The following ARMH3 variants were observed in gnomAD, a reference collection of about 807,000 sequenced individuals.
ARMH3 encodes armadillo-like helical domain-containing protein 3.
ARMH3 carries 60 observed loss-of-function variants against 99.1 expected under a neutral mutation model. The observed-to-expected ratio is 0.61, with a 90% CI of 0.49 to 0.75. The LOEUF (loss-of-function observed/expected upper bound fraction) is 0.75, where lower values mean the gene tolerates loss of function less well. Among genes scored for constraint, ARMH3 ranks in the 30% least tolerant of loss-of-function variants. The probability of loss-of-function intolerance (pLI) is 0.00; values close to 1 mark genes in which losing one functional copy is unlikely to be tolerated. For missense variants in ARMH3, 679 were observed against 843.1 expected (o/e 0.81, Z 2.41); for synonymous variants, 285 against 292.8 (o/e 0.97, Z 0.27).
intron 25 of ARMH3, among the ~76,000 whole-genome samples, chr10:101,848,403 G>A (rs2066509147): frequency 6.6e-6 from 1 of 152,174 alleles, no homozygotes. Flanking sequence ...TCCCTACTCT[G>A]AGAGGGTTCC....
chr10:101,936,491 CAA>C (rs202009727), intron 23 of ARMH3, among the ~76,000 whole-genome samples: 16 of 56,036 alleles, frequency 2.9e-4, no homozygotes, highest in Admixed American at 4.2e-4. Flanking sequence ...GACTCTGTCT[CAA>C]AAAAAAAAAA....
chr10:102,052,898 C>T (rs1340107756), intron 1 of ARMH3, among the ~76,000 whole-genome samples: 1 of 152,072 alleles, frequency 6.6e-6, no homozygotes, highest in African/African-American at 2.4e-5. Context: ...GCATACCAAA[C>T]CATATCCCCT....
intron 1 of ARMH3, among the ~76,000 whole-genome samples, chr10:102,042,252 T>C (rs1004534674): frequency 9.8e-5 from 15 of 152,376 alleles, no homozygotes; most frequent in Admixed American, 2.6e-4. Flanking sequence ...TTAGTGGATA[T>C]GGATCTTGCC....
intron 19 of ARMH3, among the ~76,000 whole-genome samples, chr10:101,976,240 T>G (rs1845999866): frequency 1.4e-5 from 2 of 146,554 alleles, no homozygotes; most frequent in African/African-American, 5.0e-5. Flanking sequence ...CTCAGGAGGC[T>G]GAGGCAGGAG....
rs1844242187 is a variant in ARMH3 at position 101,941,589 on chromosome 10, T to A, written c.1706-1651A>T. Reference sequence around the variant, plus strand: ...CTGCTCTACGTCTGTTCCAGCAATGTCTCACATTTATAAATTCATGCAATT... The same window carrying A: ...CTGCTCTACGTCTGTTCCAGCAATGACTCACATTTATAAATTCATGCAATT... On this transcript the variant is annotated intron_variant, in intron 22 of 25. Coordinates refer to ENST00000370033, the MANE Select transcript of ARMH3 (RefSeq NM_024541.3). 3.3e-5 allele frequency among the ~76,000 whole-genome samples: 5 copies of A among 152,216 alleles called. No homozygotes were observed. The South Asian group carries it at 1.0e-3, about 31-fold the overall frequency.
intron 23 of ARMH3, among the ~76,000 whole-genome samples, chr10:101,915,692 C>A (rs1011247619): frequency 7.9e-5 from 12 of 152,256 alleles, no homozygotes; most frequent in Admixed American, 7.8e-4. Flanking sequence ...GCCTTACAAA[C>A]CCACAGTGTG....
At chr10:101,885,512 T>A (rs1427546984) in intron 24 of ARMH3, among the ~76,000 whole-genome samples, 1 of 152,066 alleles carries the variant, frequency 6.6e-6, no homozygotes, top group Admixed American at 6.6e-5. Context: ...TGATGCTAAG[T>A]GAAATAAGCT....
In ARMH3 at chr10:101,932,962, G is replaced by A. The variant is rs532962634; in HGVS notation, c.1781+6901C>T. Among the ~76,000 whole-genome samples the A allele has an allele frequency of 1.3e-4, 20 of 152,308 alleles. 1 individual carries two copies. Among genetic ancestry groups the A allele is most frequent in the African/African-American group, 2.9e-4 (12 of 41,576 alleles). Reference sequence around the variant, plus strand: ...AGCACTTTGGGAGACTGAGGCAGGCGGATTACGAGGTCAGGAGATCGAGAC... The same window carrying A: ...AGCACTTTGGGAGACTGAGGCAGGCAGATTACGAGGTCAGGAGATCGAGAC... On this transcript the variant is annotated intron_variant, in intron 23 of 25. Coordinates refer to ENST00000370033, the MANE Select transcript of ARMH3 (RefSeq NM_024541.3).
intron 23 of ARMH3, among the ~76,000 whole-genome samples, chr10:101,927,759 C>A (rs1022609200): frequency 6.6e-6 from 1 of 152,076 alleles, no homozygotes; most frequent in African/African-American, 2.4e-5. Context: ...ATAGTGAGAT[C>A]CTGTCACTAC....
intron 23 of ARMH3, among the ~76,000 whole-genome samples, chr10:101,927,683 C>T (rs1316065604): frequency 6.6e-6 from 1 of 152,232 alleles, no homozygotes; most frequent in Non-Finnish European, 1.5e-5. Flanking sequence ...AATCCCAGCA[C>T]TTTGGGAGGC....
intron 22 of ARMH3, among the ~76,000 whole-genome samples, chr10:101,944,163 G>T (rs1201721818): frequency 6.9e-6 from 1 of 144,950 alleles, no homozygotes. Context: ...TATTAAAAAA[G>T]AAACCCACGG....
At chr10:101,885,075 T>C (rs1451683122) in intron 24 of ARMH3, among the ~76,000 whole-genome samples, 1 of 152,128 alleles carries the variant, frequency 6.6e-6, no homozygotes, top group Non-Finnish European at 1.5e-5. Flanking sequence ...CAATATATCA[T>C]TAGGTAAATG....
At chr10:102,040,559 A>G (rs2067386427) in intron 1 of ARMH3, among the ~76,000 whole-genome samples, 1 of 152,210 alleles carries the variant, frequency 6.6e-6, no homozygotes, top group Non-Finnish European at 1.5e-5. Context: ...CATGCTACAG[A>G]GCTTGTGCAT....
intron 1 of ARMH3, among the ~76,000 whole-genome samples, chr10:102,042,039 A>G (rs1429153833): frequency 6.6e-6 from 1 of 152,218 alleles, no homozygotes; most frequent in African/African-American, 2.4e-5. Flanking sequence ...TGAAAAAAAT[A>G]ATAACAATAA....
intron 13 of ARMH3, among the ~76,000 whole-genome samples, chr10:102,008,514 T>C (rs1214994855): frequency 6.6e-6 from 1 of 151,794 alleles, no homozygotes; most frequent in Non-Finnish European, 1.5e-5. Context: ...GGTATTTTTG[T>C]TTGTTTTTTT....
At chr10:101,850,423 T>C (rs75360151) in intron 24 of ARMH3, among the ~76,000 whole-genome samples, 1 of 137,748 alleles carries the variant, frequency 7.3e-6, no homozygotes, top group Non-Finnish European at 1.6e-5. Flanking sequence ...TCTCTCTCTC[T>C]TTTTTTTTTT....
In ARMH3 at chr10:101,919,102, C is replaced by A. The variant is rs34208353; in HGVS notation, c.1781+20761G>T. On this transcript the variant is annotated intron_variant, in intron 23 of 25. Coordinates refer to ENST00000370033, the MANE Select transcript of ARMH3 (RefSeq NM_024541.3). ...AAAACCCCAAAGGGAGGACCCTCAG[C>A]AGAAGAAAACAGAGCTTTTGGTCTT... 8.1e-3 allele frequency among the ~76,000 whole-genome samples: 1,233 copies of A among 152,292 alleles called. 11 individuals are homozygous for A. The highest frequency in any genetic ancestry group is 0.013 in the Non-Finnish European group (899 of 68,030).
chr10:101,920,964 GA>G (rs1843283251), intron 23 of ARMH3, among the ~76,000 whole-genome samples: 1 of 152,172 alleles, frequency 6.6e-6, no homozygotes, highest in Non-Finnish European at 1.5e-5. Context: ...ACTCAAAGTA[GA>G]ATGGTGGTTG....
intron 1 of ARMH3, among the ~76,000 whole-genome samples, chr10:102,043,095 T>C (rs1471812751): frequency 1.3e-5 from 2 of 152,118 alleles, no homozygotes; most frequent in Admixed American, 6.6e-5. Context: ...AAATATCTGA[T>C]TGGTAGAGCA....
Sources: gnomAD v4.1 joint callset for allele counts (sites outside exome capture counted in the v4.1 genomes callset) on GRCh38, gnomAD v4.1.1 for gene constraint, MANE v1.5 for transcripts, NCBI Gene and HGNC (gene_info 2026-07-23, HGNC 2026-07-21) for gene names.